Variants in GPC5 observed in about 807,000 individuals in gnomAD.
The protein encoded by GPC5 is glypican-5.
In GPC5, 47 loss-of-function variants were observed where a neutral mutation model predicts 53.9. That is an observed-to-expected ratio of 0.87 (90% CI 0.69 to 1.11). GPC5 has a LOEUF of 1.11. Among genes scored for constraint, GPC5 ranks in the 50% most tolerant of loss-of-function variants. The pLI, the probability that GPC5 is intolerant of heterozygous loss-of-function variation, is 0.00. For synonymous variants in GPC5, 286 were observed against 263.3 expected (o/e 1.09, Z -0.84); for missense variants, 748 against 713.1 (o/e 1.05, Z -0.56).
chr13:91,671,056 T>C (rs1247988234), intron 2 of GPC5, among the ~76,000 whole-genome samples: 17 of 152,200 alleles, frequency 1.1e-4, no homozygotes, highest in Non-Finnish European at 1.8e-4. Flanking sequence ...TTTTAGGCAT[T>C]CAATGAACTT....
chr13:92,815,930 A>G (rs535563990), intron 7 of GPC5, among the ~76,000 whole-genome samples: 2 of 152,064 alleles, frequency 1.3e-5, no homozygotes, highest in East Asian at 1.9e-4. Flanking sequence ...GCACCTATCA[A>G]TTTGAGATAA....
At chr13:91,639,310 T>C (rs1017285498) in intron 2 of GPC5, among the ~76,000 whole-genome samples, 36 of 152,214 alleles carry the variant, frequency 2.4e-4, no homozygotes, top group Admixed American at 1.7e-3. Flanking sequence ...GGGACATTCT[T>C]ACTATAGGCA....
intron 7 of GPC5, among the ~76,000 whole-genome samples, chr13:92,361,581 G>A (rs34145049): frequency 0.01 from 1,528 of 151,748 alleles, 29 homozygotes; most frequent in Middle Eastern, 0.048. Flanking sequence ...ATCAGTGTCT[G>A]AGGAGGAGTG....
At chr13:91,969,819 G>T (rs752957724) in intron 6 of GPC5, among the ~76,000 whole-genome samples, 1 of 151,964 alleles carries the variant, frequency 6.6e-6, no homozygotes, top group Non-Finnish European at 1.5e-5. Flanking sequence ...ATTATATATC[G>T]CCACATTGGT....
intron 5 of GPC5, among the ~76,000 whole-genome samples, chr13:91,897,571 A>AC (rs1486175599): frequency 6.6e-6 from 1 of 152,114 alleles, no homozygotes; most frequent in Non-Finnish European, 1.5e-5. Flanking sequence ...AAATACCTGG[A>AC]CCACATATCA....
intron 7 of GPC5, among the ~76,000 whole-genome samples, chr13:92,670,636 A>G (rs998329787): frequency 6.6e-6 from 1 of 152,142 alleles, no homozygotes; most frequent in African/African-American, 2.4e-5. Flanking sequence ...TGGGGATGTT[A>G]CTAAGAAGAG....
chr13:91,767,110 G>A (rs900364678), intron 5 of GPC5, among the ~76,000 whole-genome samples: 1 of 152,174 alleles, frequency 6.6e-6, no homozygotes, highest in Non-Finnish European at 1.5e-5. Context: ...ATGCATTCTT[G>A]AGTGAAATGC....
chr13:91,522,257 T>G (rs1885858109), intron 2 of GPC5, among the ~76,000 whole-genome samples: 1 of 152,216 alleles, frequency 6.6e-6, no homozygotes, highest in Non-Finnish European at 1.5e-5. Flanking sequence ...CTCAACTCTC[T>G]AAACGTGCCT....
At chr13:92,787,610 T>TCA (rs1405592104) in intron 7 of GPC5, among the ~76,000 whole-genome samples, 4 of 139,336 alleles carry the variant, frequency 2.9e-5, no homozygotes, top group African/African-American at 1.1e-4. Flanking sequence ...GGCAGGAGGG[T>TCA]CACTTTGAGC....
intron 6 of GPC5, among the ~76,000 whole-genome samples, chr13:92,140,925 CA>C (rs1168441210): frequency 6.6e-6 from 1 of 152,068 alleles, no homozygotes; most frequent in Non-Finnish European, 1.5e-5. Context: ...AATTTGTATA[CA>C]AGTCAGAGCT....
intron 5 of GPC5, among the ~76,000 whole-genome samples, chr13:91,823,008 A>G (rs912515610): frequency 6.6e-6 from 1 of 152,124 alleles, no homozygotes; most frequent in Non-Finnish European, 1.5e-5. Flanking sequence ...ACCCAAATAA[A>G]GTGTCTTAAA....
intron 7 of GPC5, among the ~76,000 whole-genome samples, chr13:92,465,159 A>G (rs1003802894): frequency 1.3e-5 from 2 of 152,044 alleles, no homozygotes; most frequent in East Asian, 3.9e-4. Context: ...TCAACTCTAA[A>G]CAAGCTTTTC....
At chr13:92,096,006 G>A (rs942744749) in intron 6 of GPC5, among the ~76,000 whole-genome samples, 1 of 152,186 alleles carries the variant, frequency 6.6e-6, no homozygotes, top group Non-Finnish European at 1.5e-5. Context: ...CATGTAGGTG[G>A]CACATGTTGG....
intron 2 of GPC5, among the ~76,000 whole-genome samples, chr13:91,680,768 C>A (rs545729863): frequency 6.6e-6 from 1 of 152,258 alleles, no homozygotes; most frequent in South Asian, 2.1e-4. Context: ...TTGACCTAAA[C>A]AAGATGCTGT....
chr13:91,671,780 C>CAAA lies in GPC5; in HGVS notation c.326-21384_326-21382dup, dbSNP rs55758033. ...CCTGTATAGCCAAGACAATCTGAAG[C>CAAA]AAAAAAAAAAAAAAAAAAAAAAAAA... On this transcript the variant is annotated intron_variant, in intron 2 of 7. Coordinates refer to ENST00000377067, the MANE Select transcript of GPC5 (RefSeq NM_004466.6). Among the ~76,000 whole-genome samples the CAAA allele has an allele frequency of 1.4e-3, 46 of 33,120 alleles. 2 individuals carry two copies. Among genetic ancestry groups the CAAA allele is most frequent in the African/African-American group, 3.5e-3 (36 of 10,400 alleles). 21.7% of individuals were successfully genotyped at this position (33,120 alleles called of 152,430 possible).
At chr13:92,059,438 C>A (rs755859845) in intron 6 of GPC5, among the ~76,000 whole-genome samples, 11 of 151,934 alleles carry the variant, frequency 7.2e-5, no homozygotes, top group African/African-American at 2.7e-4. Flanking sequence ...CCAAAGGCAA[C>A]CATTATTTAT....
At chr13:91,791,400 T>C (rs1217269678) in intron 5 of GPC5, among the ~76,000 whole-genome samples, 2 of 152,160 alleles carry the variant, frequency 1.3e-5, no homozygotes, top group African/African-American at 2.4e-5. Flanking sequence ...TCTCACATGC[T>C]GTAGCACTCC....
intron 7 of GPC5, among the ~76,000 whole-genome samples, chr13:92,558,672 T>C (rs1428938000): frequency 6.6e-6 from 1 of 152,014 alleles, no homozygotes; most frequent in East Asian, 1.9e-4. Context: ...GTGATTCTTC[T>C]GTACACTTCC....
At chr13:92,151,994 A>T (rs1402696007) in intron 7 of GPC5, among the ~76,000 whole-genome samples, 1 of 152,192 alleles carries the variant, frequency 6.6e-6, no homozygotes, top group East Asian at 1.9e-4. Context: ...AGCAACTGAC[A>T]ATAGGGATGA....
Sources: allele counts gnomAD v4.1 joint callset (sites outside exome capture counted in the v4.1 genomes callset), GRCh38; gene constraint gnomAD v4.1.1; transcripts MANE v1.5; gene names NCBI Gene and HGNC (gene_info 2026-07-23, HGNC 2026-07-21).